NECAB2: variants seen among roughly 807,000 people sequenced by gnomAD.
NECAB2 encodes N-terminal EF-hand calcium binding protein 2.
A neutral mutation model predicts 51.9 loss-of-function variants in NECAB2; 68 were observed. The ratio of observed to expected loss-of-function variants is 1.31; its 90% confidence interval spans 1.08 to 1.60. The LOEUF (loss-of-function observed/expected upper bound fraction) is 1.60, where lower values mean the gene tolerates loss of function less well. Among genes scored for constraint, NECAB2 ranks in the 40% most tolerant of loss-of-function variants. NECAB2 has a pLI of 0.00. For missense variants in NECAB2, 854 were observed against 490.3 expected (o/e 1.74, Z -7.00); for synonymous variants, 329 against 203.5 (o/e 1.62, Z -5.25).
intron 6 of NECAB2, 48 bp from the exon 7 acceptor site, chr16:83,994,254 C>T (rs746865272): frequency 6.4e-7 from 1 of 1,567,326 alleles, no homozygotes; most frequent in Non-Finnish European, 8.8e-7. Context: ...GTGGTAAGGG[C>T]CCTGAAGCCA....
chr16:84,000,788 G>C lies in NECAB2; in HGVS notation c.1027G>C (p.Glu343Gln). Residue 343 changes from glutamate to glutamine, a missense_variant, in exon 11 of 13, where the codon GAG becomes CAG. By Grantham distance (29) the Glu-to-Gln change is conservative. Transcript: ENST00000305202. The stretch of plus-strand genomic sequence containing the variant: ...CATCTATGAGTTCTGGGAGACAGAG[G>C]AGGCGTGGAAGAGGTGAGATGCTGG... ...FVIYEFWETE[E>Q]AWKRHLQSPL... is the part of the protein sequence containing the mutation. 2 of 1,613,706 alleles carry C rather than the reference G, an allele frequency of 1.2e-6. No homozygotes were observed. The highest frequency in any genetic ancestry group is 1.7e-6 in the Non-Finnish European group (2 of 1,179,972).
At chr16:84,001,666 T>A (rs574260082) in intron 11 of NECAB2, among the ~76,000 whole-genome samples, 159 bp from the exon 12 acceptor site, 1 of 104,368 alleles carries the variant, frequency 9.6e-6, no homozygotes, top group Non-Finnish European at 1.7e-5. Flanking sequence ...TCAGCCTCCC[T>A]GGGCACCCCC....
upstream of NECAB2, chr16:83,966,321 G>C (rs1306800781): frequency 4.7e-6 from 2 of 421,100 alleles, no homozygotes; most frequent in Non-Finnish European, 8.5e-6. Context: ...AATAAAGCCA[G>C]TGCCCACCTG....
intron 5 of NECAB2, among the ~76,000 whole-genome samples, chr16:83,988,675 G>A (rs189304699): frequency 9.2e-5 from 14 of 152,220 alleles, no homozygotes; most frequent in Admixed American, 6.5e-4. Context: ...TGCAGAAAAG[G>A]TGCTCATCTG....
chr16:84,000,841 GGGAAGTGGGGGGGCTGTC>G (rs1329757792), intron 11 of NECAB2, 40 bp downstream of exon 11: 1 of 1,389,224 alleles, frequency 7.2e-7, no homozygotes, highest in East Asian at 2.8e-5. Context: ...GGGAGACAGA[GGGAAGTGGGGGGGCTGTC>G]TTCCTGGAGC....
intron 10 of NECAB2, among the ~76,000 whole-genome samples, chr16:83,998,631 A>G (rs930995486): frequency 1.5e-4 from 23 of 152,204 alleles, no homozygotes; most frequent in Non-Finnish European, 2.9e-4. Context: ...GAAGGGCTCC[A>G]GCTGGGCCTG....
intron 2 of NECAB2, among the ~76,000 whole-genome samples, chr16:83,977,324 A>C (rs557143517): frequency 7.9e-4 from 120 of 152,148 alleles, no homozygotes; most frequent in African/African-American, 2.7e-3. Flanking sequence ...GCTGCAGGGC[A>C]GGTGGGGGAT....
At position 84,001,805 on chromosome 16, in the gene NECAB2, C is replaced by CAGGG; in HGVS notation, c.1041-19_1041-18insGGGA. 1 of 1,613,522 alleles carries CAGGG rather than the reference C, an allele frequency of 6.2e-7. No individual in the cohort carries two copies. The highest frequency in any genetic ancestry group is 8.5e-7 in the Non-Finnish European group (1 of 1,179,530). On this transcript the variant is annotated intron_variant, in intron 11 of 12. Transcript: ENST00000305202. ...CTCCACTCCTGCCACCCCTGACTCA[C>CAGGG]ACATGTCCCTGCGTCACAGGCACCT...
chr16:83,996,391 C>T (rs555887776), intron 8 of NECAB2, among the ~76,000 whole-genome samples: 56 of 152,188 alleles, frequency 3.7e-4, no homozygotes, highest in Non-Finnish European at 7.8e-4. Flanking sequence ...AGGTCCCTTG[C>T]TCAAACATTT....
At chr16:83,994,862 G>A (rs1174874792) in intron 8 of NECAB2, among the ~76,000 whole-genome samples, 174 bp downstream of exon 8, 2 of 152,166 alleles carry the variant, frequency 1.3e-5, no homozygotes, top group Non-Finnish European at 2.9e-5. Flanking sequence ...ATCAAACCCC[G>A]GGGGATGCTC....
chr16:83,976,645 C>T (rs1344122846), intron 2 of NECAB2, among the ~76,000 whole-genome samples: 1 of 152,068 alleles, frequency 6.6e-6, no homozygotes, highest in Non-Finnish European at 1.5e-5. Context: ...TTTTTTTGGC[C>T]TTTCCTTTGA....
intron 11 of NECAB2, 106 bp from the exon 12 acceptor site, chr16:84,001,719 T>A: frequency 8.1e-7 from 1 of 1,233,640 alleles, no homozygotes; most frequent in Non-Finnish European, 1.2e-6. Flanking sequence ...CCCCCCGTGC[T>A]TATTGATAAG....
intron 11 of NECAB2, among the ~76,000 whole-genome samples, chr16:84,001,028 C>T (rs2084821529): frequency 6.6e-6 from 1 of 152,086 alleles, no homozygotes; most frequent in African/African-American, 2.4e-5. Flanking sequence ...TCCTGCTTTC[C>T]CCAGGGTTGC....
At chr16:83,980,783 G>T in intron 3 of NECAB2, 56 bp from the exon 4 acceptor site, 1 of 1,546,752 alleles carries the variant, frequency 6.5e-7, no homozygotes, top group Non-Finnish European at 8.8e-7. Context: ...TGCAGGGTCA[G>T]GCCTGCTAAC....
Position 84,002,292 on chromosome 16 carries a change from CCTCTAACGTGT to C in NECAB2, c.1133-21_1133-11del, listed in dbSNP as rs2084853453. 2 of 1,613,476 alleles carry C rather than the reference CCTCTAACGTGT, an allele frequency of 1.2e-6. No homozygotes were observed. The highest frequency in any genetic ancestry group is 3.3e-5 in the Admixed American group (2 of 59,998). ...AGGCTGCCCACATTCGCACTCCTTC[CCTCTAACGTGT>C]CTCTCTCCTTTTAGCTGCTTGGTGC... On this transcript the variant is annotated splice_polypyrimidine_tract_variant and intron_variant, in intron 12 of 12. Coordinates refer to ENST00000305202, the MANE Select transcript of NECAB2 (RefSeq NM_019065.3).
At chr16:83,978,673 T>G (rs752766287) in intron 3 of NECAB2, 121 bp downstream of exon 3, 13 of 830,074 alleles carry the variant, frequency 1.6e-5, no homozygotes, top group Non-Finnish European at 2.3e-5. Context: ...ATCCCCAAAT[T>G]TGCTAATCCA....
upstream of NECAB2, chr16:83,965,762 G>A (rs199647226): frequency 5.0e-5 from 81 of 1,613,348 alleles, no homozygotes; most frequent in Non-Finnish European, 6.2e-5. Context: ...GGTCCTCATC[G>A]GCTCCCACCC....
intron 10 of NECAB2, among the ~76,000 whole-genome samples, chr16:83,999,638 C>T (rs576488398): frequency 1.3e-5 from 2 of 152,194 alleles, no homozygotes; most frequent in African/African-American, 4.8e-5. Flanking sequence ...AGTGCACTTG[C>T]AGAGAGGATT....
In NECAB2 at chr16:83,989,655, C is replaced by A. The variant is rs1283219781; in HGVS notation, c.460-839C>A. 2.0e-5 allele frequency among the ~76,000 whole-genome samples: 3 copies of A among 152,232 alleles called. No homozygotes were observed. In the East Asian group the frequency reaches 5.8e-4, roughly 29 times the overall value. On this transcript the variant is annotated intron_variant, in intron 5 of 12. Transcript: ENST00000305202. ...CACAGCATCATTTTCATCATCCCGT[C>A]CTTGAGCGACGTGGGTAAGCAGAGC...
Sources: gnomAD v4.1 joint callset for allele counts (sites outside exome capture counted in the v4.1 genomes callset) on GRCh38, gnomAD v4.1.1 for gene constraint, MANE v1.5 for transcripts, NCBI Gene and HGNC (gene_info 2026-07-23, HGNC 2026-07-21) for gene names.